Variants in CELF4 observed in about 807,000 individuals in gnomAD.
The protein encoded by CELF4 is CUGBP Elav-like family member 4, also known as CUG-BP- and ETR-3-like factor 4.
A neutral mutation model predicts 59.9 loss-of-function variants in CELF4; 18 were observed. The ratio of observed to expected loss-of-function variants is 0.30; its 90% CI spans 0.21 to 0.45. The LOEUF is 0.45. Among genes scored for constraint, CELF4 ranks in the 20% least tolerant of loss-of-function variants. The pLI is 1.00. For missense variants in CELF4, 456 were observed against 689.0 expected, an observed-to-expected ratio of 0.66 and a Z score of 3.79; for synonymous variants, 261 against 267.1, an observed-to-expected ratio of 0.98 and a Z score of 0.22.
chr18:37,302,610 G>A (rs1368824924), intron 3 of CELF4, among the ~76,000 whole-genome samples: 1 of 152,230 alleles, frequency 6.6e-6, no homozygotes, highest in East Asian at 1.9e-4. Context: ...GGGAGGTGGA[G>A]GGAGGGAAAT....
intron 11 of CELF4, among the ~76,000 whole-genome samples, chr18:37,255,200 C>CA (rs1395448394): frequency 6.6e-6 from 1 of 152,056 alleles, no homozygotes; most frequent in African/African-American, 2.4e-5. Flanking sequence ...AGGTATAAGA[C>CA]AGAGATGCAC....
intron 3 of CELF4, among the ~76,000 whole-genome samples, chr18:37,283,518 G>A (rs113331635): frequency 4.3e-4 from 65 of 152,172 alleles, no homozygotes; most frequent in African/African-American, 1.4e-3. Flanking sequence ...TTCCTAAATC[G>A]CCGGGCATGT....
At chr18:37,361,324 G>A (rs914979846) in intron 2 of CELF4, among the ~76,000 whole-genome samples, 1 of 152,174 alleles carries the variant, frequency 6.6e-6, no homozygotes, top group South Asian at 2.1e-4. Context: ...TTTTGGTTGT[G>A]CCTGTGGCTC....
intron 2 of CELF4, among the ~76,000 whole-genome samples, chr18:37,323,600 C>A (rs149776300): frequency 1.2e-3 from 185 of 152,224 alleles, no homozygotes; most frequent in African/African-American, 4.2e-3. Context: ...CTCACCCTTT[C>A]CTAGGCTGCC....
intron 2 of CELF4, among the ~76,000 whole-genome samples, chr18:37,329,379 A>G (rs6507199): frequency 0.25 from 38,297 of 152,224 alleles, 4,902 homozygotes; most frequent in East Asian, 0.28. Flanking sequence ...AGCTGAGGGT[A>G]GGCTCTGAGA....
chr18:37,485,508 C>T lies in CELF4; in HGVS notation c.369+17G>A. Reference sequence around the variant, plus strand: ...GTCGGCGCGTCGGCCGCTTGCGCCACGGCGGGCGCCACTTACCCCGGGCAG... The same window carrying T: ...GTCGGCGCGTCGGCCGCTTGCGCCATGGCGGGCGCCACTTACCCCGGGCAG... On this transcript the variant is annotated intron_variant, in intron 2 of 12. Coordinates refer to ENST00000420428, the MANE Select transcript of CELF4 (RefSeq NM_020180.4). The T allele has an allele frequency of 1.5e-6, 2 of 1,338,798 alleles. No individual in the cohort carries two copies. Among genetic ancestry groups the T allele is most frequent in the Non-Finnish European group, 9.6e-7 (1 of 1,036,272 alleles). 82.9% of individuals were successfully genotyped at this position (1,338,798 alleles called of 1,614,324 possible).
chr18:37,252,888 G>T (rs2066427887), intron 12 of CELF4, among the ~76,000 whole-genome samples: 1 of 151,846 alleles, frequency 6.6e-6, no homozygotes, highest in African/African-American at 2.4e-5. Context: ...GGGCAGCAGG[G>T]TGCTGAGCTG....
At chr18:37,270,955 A>T (rs1230472918) in intron 7 of CELF4, 38 bp from the exon 8 acceptor site, 1 of 1,546,410 alleles carries the variant, frequency 6.5e-7, no homozygotes, top group Non-Finnish European at 8.7e-7. Context: ...GGAGGAGGGG[A>T]GGCAAGCAGA....
At chr18:37,464,948 C>T (rs1166424593) in intron 2 of CELF4, among the ~76,000 whole-genome samples, 1 of 152,178 alleles carries the variant, frequency 6.6e-6, no homozygotes, top group East Asian at 1.9e-4. Context: ...TGAGGAGTCT[C>T]CTTGGGTCTC....
chr18:37,462,236 G>T (rs1309349899), intron 2 of CELF4, among the ~76,000 whole-genome samples: 1 of 152,188 alleles, frequency 6.6e-6, no homozygotes, highest in Non-Finnish European at 1.5e-5. Context: ...TTGCCTGGAG[G>T]TCTCGAGCAG....
rs187260599 is a variant in CELF4, at chr18:37,299,268, C to T, written c.448+22535G>A. Among the ~76,000 whole-genome samples, 317 of 152,330 alleles carry T rather than the reference C, an allele frequency of 2.1e-3. 1 individual carries two copies. The highest frequency in any genetic ancestry group is 7.4e-3 in the African/African-American group (308 of 41,576). On this transcript the variant is annotated intron_variant, in intron 3 of 12. Transcript: ENST00000420428. ...AGGCTGGGGGCTCCAGAAGGCAAGA[C>T]ATTTGTGTCTCTTAAGCCTACTTGT...
At position 37,510,842 on chromosome 18, in the gene CELF4, C is replaced by A. The variant is rs79856694; in HGVS notation, c.287-25235G>T. Among the ~76,000 whole-genome samples, 704 of 152,314 alleles carry A rather than the reference C, an allele frequency of 4.6e-3. 19 individuals are homozygous for A. The East Asian group carries it at 0.07, about 15-fold the overall frequency. ...AACAGAAACATCCAAGAAGATGTGT[C>A]AACAGTCAGTGCTGACCCAGGGGCT... On this transcript the variant is annotated intron_variant, in intron 1 of 12. Transcript: ENST00000420428.
chr18:37,501,563 G>A (rs1603642807), intron 1 of CELF4, among the ~76,000 whole-genome samples: 1 of 152,240 alleles, frequency 6.6e-6, no homozygotes, highest in East Asian at 1.9e-4. Context: ...GATGGGCCTG[G>A]GACAGAGGGA....
chr18:37,527,374 C>T (rs1409618348), intron 1 of CELF4, among the ~76,000 whole-genome samples: 1 of 151,942 alleles, frequency 6.6e-6, no homozygotes, highest in Non-Finnish European at 1.5e-5. Flanking sequence ...TAAACTGAAC[C>T]CCCAAACCCT....
intron 2 of CELF4, among the ~76,000 whole-genome samples, chr18:37,452,143 A>G (rs556154127): frequency 5.3e-5 from 8 of 152,352 alleles, no homozygotes; most frequent in African/African-American, 1.9e-4. Context: ...TCTGCCAGCA[A>G]TGGTGTCGGC....
chr18:37,244,006 G>C lies in CELF4; in HGVS notation c.*1236C>G, dbSNP rs922948938. Reference sequence around the variant, plus strand: ...GCAGCCAGGCGCCCGCAGGTGTGGGGCGAGTTCGGCCTGGCCCTTGGGGAC... The same window carrying C: ...GCAGCCAGGCGCCCGCAGGTGTGGGCCGAGTTCGGCCTGGCCCTTGGGGAC... On this transcript the variant is annotated 3_prime_UTR_variant, in exon 13 of 13. Transcript: ENST00000420428. 5 of 164,262 alleles carry C rather than the reference G, an allele frequency of 3.0e-5. No homozygotes were observed. The highest frequency in any genetic ancestry group is 6.7e-5 in the Non-Finnish European group (5 of 75,082). 10.2% of individuals were successfully genotyped at this position (164,262 alleles called of 1,614,324 possible). A position where few individuals can be genotyped will look rare whatever the true frequency, so the allele number is the denominator to read the frequency against.
chr18:37,513,798 C>G (rs1477126290), intron 1 of CELF4, among the ~76,000 whole-genome samples: 2 of 152,180 alleles, frequency 1.3e-5, no homozygotes, highest in African/African-American at 4.8e-5. Context: ...GCTCCCTCCT[C>G]TATGGAGCCT....
At chr18:37,333,005 G>T (rs1049604987) in intron 2 of CELF4, among the ~76,000 whole-genome samples, 3 of 152,226 alleles carry the variant, frequency 2.0e-5, no homozygotes, top group Admixed American at 6.5e-5. Context: ...CTAATTAGCC[G>T]GCATGGTCGG....
At chr18:37,552,269 C>A (rs2099983451) in intron 1 of CELF4, among the ~76,000 whole-genome samples, 1 of 152,236 alleles carries the variant, frequency 6.6e-6, no homozygotes, top group Admixed American at 6.5e-5. Flanking sequence ...ACACTCAGGG[C>A]ACCTGAATTG....
Sources: allele counts gnomAD v4.1 joint callset (sites outside exome capture counted in the v4.1 genomes callset), GRCh38; gene constraint gnomAD v4.1.1; transcripts MANE v1.5; gene names NCBI Gene and HGNC (gene_info 2026-07-23, HGNC 2026-07-21).